ABCA4: variants seen among roughly 807,000 people sequenced by gnomAD.
ABCA4 encodes retinal-specific phospholipid-transporting ATPase ABCA4.
A neutral mutation model predicts 263.7 loss-of-function variants in ABCA4; 196 were observed. The observed-to-expected ratio is 0.74, with a 90% CI of 0.66 to 0.84. The LOEUF is 0.84. ABCA4 is among the 40% of genes least tolerant of loss of function. ABCA4 has a pLI of 0.00. For missense variants in ABCA4, 2,792 were observed against 2,855.1 expected (o/e 0.98, Z 0.50); for synonymous variants, 1,133 against 1,094.2 (o/e 1.04, Z -0.70).
At chr1:94,052,039 G>A (rs1378858113) in intron 16 of ABCA4, among the ~76,000 whole-genome samples, 1 of 152,128 alleles carries the variant, frequency 6.6e-6, no homozygotes, top group African/African-American at 2.4e-5. Context: ...AGATGTACTG[G>A]ATATTCTTTC....
chr1:94,018,049 A>G (rs1466411421), intron 36 of ABCA4, among the ~76,000 whole-genome samples: 1 of 152,214 alleles, frequency 6.6e-6, no homozygotes. Context: ...ATTCTGGAGC[A>G]TCAGAAAGCC....
At chr1:94,104,439 C>T (rs1484777190) in intron 4 of ABCA4, among the ~76,000 whole-genome samples, 1 of 152,236 alleles carries the variant, frequency 6.6e-6, no homozygotes, top group African/African-American at 2.4e-5. Context: ...ATTCTCCCCT[C>T]CCCCAGTGGC....
At chr1:94,023,471 T>C in intron 31 of ABCA4, 53 bp from the exon 32 acceptor site, 1 of 1,412,368 alleles carries the variant, frequency 7.1e-7, no homozygotes, top group Middle Eastern at 1.8e-4. Flanking sequence ...AGCAGTGCCG[T>C]TAACTTTCTT....
chr1:94,002,625 G>T (rs914925279), intron 44 of ABCA4, among the ~76,000 whole-genome samples: 1 of 152,202 alleles, frequency 6.6e-6, no homozygotes, highest in Non-Finnish European at 1.5e-5. Flanking sequence ...CTGGAGACAA[G>T]CTCACCATGC....
intron 32 of ABCA4, among the ~76,000 whole-genome samples, chr1:94,022,219 G>A (rs1659923078): frequency 6.6e-6 from 1 of 152,150 alleles, no homozygotes; most frequent in Non-Finnish European, 1.5e-5. Flanking sequence ...GCCCTTCCCT[G>A]GAGTGGCCTA....
chr1:94,109,973 G>T (rs189266050), intron 3 of ABCA4, among the ~76,000 whole-genome samples: 1 of 151,996 alleles, frequency 6.6e-6, no homozygotes, highest in African/African-American at 2.4e-5. Flanking sequence ...TCAGTTTTCC[G>T]CAATAACATC....
intron 26 of ABCA4, among the ~76,000 whole-genome samples, chr1:94,036,526 G>C (rs577953865): frequency 6.6e-6 from 1 of 151,796 alleles, no homozygotes; most frequent in East Asian, 1.9e-4. Flanking sequence ...ACAGGTGCGC[G>C]CCACCACACC....
rs61748546 is a variant in ABCA4, at chr1:94,080,580, G to A, written c.997C>T (p.Arg333Trp). ...LCGYPEGGGS[R>W]VLSFNWYEDN... ...TCATACCAGTTGAAGGAGAGCACCC[G>A]AGAGCCACCTCCCTCGGGGTAGCCA... The change falls in exon 8 of 50, where the codon CGG becomes TGG. Residue 333 changes from arginine (R) to tryptophan (W), a missense_variant. Coordinates refer to ENST00000370225, the MANE Select transcript of ABCA4 (RefSeq NM_000350.3). 12 of 1,613,988 alleles carry A rather than the reference G, an allele frequency of 7.4e-6. No homozygotes were observed. Among genetic ancestry groups the A allele is most frequent in the African/African-American group, 1.3e-5 (1 of 74,898 alleles).
In ABCA4 at chr1:93,993,101, C is replaced by T. The variant is rs55665437; in HGVS notation, c.*136G>A. 9,167 of 1,176,140 alleles carry T rather than the reference C, an allele frequency of 7.8e-3. 97 individuals are homozygous for T. Among genetic ancestry groups the T allele is most frequent in the South Asian group, 0.029 (2,304 of 78,732 alleles). The allele number at this position is 1,176,140 out of a possible 1,614,324, so 72.9% of individuals were successfully genotyped here. ...CTCTTTCTGAATTCGCTGCATGCTC[C>T]TCGTGTGTTTGTTTTCTGCTGCAGT... On this transcript the variant is annotated 3_prime_UTR_variant, in exon 50 of 50. Coordinates refer to ENST00000370225, the MANE Select transcript of ABCA4 (RefSeq NM_000350.3).
At chr1:94,061,843 G>A (rs1366566179) in intron 13 of ABCA4, among the ~76,000 whole-genome samples, 1 of 152,206 alleles carries the variant, frequency 6.6e-6, no homozygotes, top group African/African-American at 2.4e-5. Context: ...ATTAAAAGAG[G>A]GTTTCCTGTG....
intron 5 of ABCA4, among the ~76,000 whole-genome samples, chr1:94,102,593 T>C (rs986786516): frequency 6.6e-6 from 1 of 152,310 alleles, no homozygotes; most frequent in South Asian, 2.1e-4. Flanking sequence ...TCTGCTTACC[T>C]GAGCATCGCC....
chr1:94,061,722 T>C (rs899985925), intron 13 of ABCA4, among the ~76,000 whole-genome samples: 1 of 152,218 alleles, frequency 6.6e-6, no homozygotes, highest in Non-Finnish European at 1.5e-5. Context: ...CTTTCGCCCC[T>C]GGCTCCATTT....
At chr1:94,098,668 G>C in intron 6 of ABCA4, 126 bp downstream of exon 6, 1 of 1,119,798 alleles carries the variant, frequency 8.9e-7, no homozygotes, top group Non-Finnish European at 1.3e-6. Context: ...TGAGCCCTGG[G>C]AGCCTGGAGC....
chr1:94,021,752 A>T, intron 33 of ABCA4, 38 bp from the exon 34 acceptor site: 1 of 1,596,728 alleles, frequency 6.3e-7, no homozygotes, highest in Non-Finnish European at 8.6e-7. Flanking sequence ...GACGGTTTTA[A>T]TTTTTTTTTC....
In ABCA4 at chr1:94,001,109, G is replaced by A. The variant is rs374652451; in HGVS notation, c.6283-4C>T. ...CCATCCCTGTGGTGGGCTCATCCTG[G>A]GGGGTGGAGAGAAGGTTGGGGGCAC... On this transcript the variant is annotated splice_region_variant and splice_polypyrimidine_tract_variant and intron_variant, in intron 45 of 49. Transcript: ENST00000370225. 6.2e-7 allele frequency: 1 copy of A among 1,612,600 alleles called. No individual in the cohort carries two copies. The highest frequency in any genetic ancestry group is 8.5e-7 in the Non-Finnish European group (1 of 1,179,082).
rs769683820 is a variant in ABCA4 at position 94,000,891 on chromosome 1, T to C, written c.6424A>G (p.Ile2142Val). ...CATCGAAAGGCGCCCTTTACCATGATGGCCAGCCGGGTACACAGTGCCTCA... is the reference window on the plus strand; with the variant it reads ...CATCGAAAGGCGCCCTTTACCATGACGGCCAGCCGGGTACACAGTGCCTCA... ...ECEALCTRLA[I>V]MVKGAFRCMG... Residue 2142 changes from isoleucine (I) to valine (V), a missense_variant, in exon 47 of 50, where the codon ATC (isoleucine) becomes GTC (valine). By Grantham distance (29) the Ile-to-Val change is conservative. Transcript: ENST00000370225. 5 of 1,614,206 alleles carry C rather than the reference T, an allele frequency of 3.1e-6. No individual in the cohort carries two copies. The Admixed American group carries it at 8.3e-5, about 27-fold the overall frequency.
chr1:94,036,380 CTT>C (rs752570732), intron 26 of ABCA4, among the ~76,000 whole-genome samples: 5 of 141,244 alleles, frequency 3.5e-5, no homozygotes, highest in Non-Finnish European at 6.2e-5. Flanking sequence ...TTTCCTTAGA[CTT>C]TTTTTTTTTT....
rs371553846 is a variant in ABCA4, at chr1:94,051,730, C to T, written c.2588-32G>A. 3.6e-5 allele frequency: 56 copies of T among 1,542,534 alleles called. No homozygotes were observed. In the African/African-American group the frequency reaches 6.5e-4, roughly 18 times the overall value. On this transcript the variant is annotated intron_variant, in intron 16 of 49. Coordinates refer to ENST00000370225, the MANE Select transcript of ABCA4 (RefSeq NM_000350.3). ...ATAGAGACAAATAAACAGAGAAAGT[C>T]GAAGGAGTCTCCCTATCCTACCTTA...
chr1:94,027,313 G>GT (rs1660069296), intron 30 of ABCA4, among the ~76,000 whole-genome samples: 1 of 152,188 alleles, frequency 6.6e-6, no homozygotes, highest in Non-Finnish European at 1.5e-5. Context: ...GTAAGGGTTC[G>GT]TTTAGGAAAT....
Sources: gnomAD v4.1 joint callset for allele counts (sites outside exome capture counted in the v4.1 genomes callset) on GRCh38, gnomAD v4.1.1 for gene constraint, MANE v1.5 for transcripts, NCBI Gene and HGNC (gene_info 2026-07-23, HGNC 2026-07-21) for gene names.